RIN2: variants seen among roughly 807,000 people sequenced by gnomAD.
RIN2 encodes RAB5 interacting protein 2.
Under a neutral mutation model 78.0 loss-of-function variants are expected in RIN2, and 36 were observed. That is an observed-to-expected ratio of 0.46 (90% confidence interval 0.35 to 0.61). RIN2 has a LOEUF of 0.61. Among genes scored for constraint, RIN2 ranks in the 20% least tolerant of loss-of-function variants. The probability of loss-of-function intolerance (pLI) is 0.00; values close to 1 mark genes in which losing one functional copy is unlikely to be tolerated. For missense variants in RIN2, 1,087 were observed against 1,159.7 expected, an observed-to-expected ratio of 0.94 and a Z score of 0.91; for synonymous variants, 466 against 466.8, an observed-to-expected ratio of 1.00 and a Z score of 0.02.
chr20:19,825,589 A>G (rs1208142566), intron 2 of RIN2, among the ~76,000 whole-genome samples: 1 of 152,140 alleles, frequency 6.6e-6, no homozygotes, highest in Non-Finnish European at 1.5e-5. Context: ...ATCCCACCAT[A>G]GGTGCTCACT....
chr20:19,869,368 T>C (rs1446361606), intron 2 of RIN2, among the ~76,000 whole-genome samples: 1 of 152,278 alleles, frequency 6.6e-6, no homozygotes, highest in East Asian at 1.9e-4. Context: ...CTTCAGAGGT[T>C]ACTGACTTTT....
intron 5 of RIN2, among the ~76,000 whole-genome samples, chr20:19,960,399 G>T (rs945238705): frequency 1.3e-5 from 2 of 152,178 alleles, no homozygotes; most frequent in African/African-American, 4.8e-5. Context: ...GCTGGAGACC[G>T]TAACTCCAGC....
chr20:19,859,653 C>T (rs1007357043), intron 2 of RIN2, among the ~76,000 whole-genome samples: 1 of 152,224 alleles, frequency 6.6e-6, no homozygotes, highest in Non-Finnish European at 1.5e-5. Context: ...ACAACTCCCA[C>T]GTGACTATCT....
At position 19,935,268 on chromosome 20, in the gene RIN2, C is replaced by A. The variant is rs1377494051; in HGVS notation, c.158+69C>A. 6.4e-6 allele frequency: 9 copies of A among 1,397,152 alleles called. No homozygotes were observed. The Admixed American group carries it at 1.7e-4, about 26-fold the overall frequency. 86.5% of individuals were successfully genotyped at this position (1,397,152 alleles called of 1,614,324 possible). A position where few individuals can be genotyped will look rare whatever the true frequency, so the allele number is the denominator to read the frequency against. On this transcript the variant is annotated intron_variant, in intron 4 of 12. Transcript: ENST00000255006. Reference sequence around the variant, plus strand: ...GAGTGAACCCTGGCACTGCCAAGGGCTGACTTGCAGTCACTCCTCAGAAGT... The same window carrying A: ...GAGTGAACCCTGGCACTGCCAAGGGATGACTTGCAGTCACTCCTCAGAAGT...
At chr20:19,911,138 C>T (rs540600121) in intron 3 of RIN2, among the ~76,000 whole-genome samples, 5 of 151,968 alleles carry the variant, frequency 3.3e-5, no homozygotes, top group Admixed American at 2.6e-4. Context: ...GCAACCTCTG[C>T]GTCCCAGTTT....
chr20:19,846,049 G>A (rs575828608), intron 2 of RIN2, among the ~76,000 whole-genome samples: 37 of 152,200 alleles, frequency 2.4e-4, no homozygotes, highest in Admixed American at 7.9e-4. Flanking sequence ...GATGTGTGGC[G>A]TTACTTCTGA....
intron 3 of RIN2, among the ~76,000 whole-genome samples, chr20:19,911,368 T>C (rs1159679264): frequency 6.6e-6 from 1 of 152,190 alleles, no homozygotes; most frequent in Non-Finnish European, 1.5e-5. Context: ...TATGTCAATA[T>C]TTTACATAAA....
intron 4 of RIN2, among the ~76,000 whole-genome samples, chr20:19,948,609 G>A (rs1430122097): frequency 1.3e-5 from 2 of 151,894 alleles, no homozygotes; most frequent in Non-Finnish European, 2.9e-5. Context: ...TGGCCAGGCT[G>A]GTGGAAAAAT....
Position 19,968,128 on chromosome 20 carries a change from A to T in RIN2, c.537-2710A>T, listed in dbSNP as rs187996985. Among the ~76,000 whole-genome samples the T allele has an allele frequency of 1.5e-3, 227 of 152,114 alleles. 1 individual carries two copies. Among genetic ancestry groups the T allele is most frequent in the African/African-American group, 5.2e-3 (214 of 41,486 alleles). ...TTAGCTCTGCGAAGGTGTGCTAGGG[A>T]CCTCACTTGTCTGTGTCGTCATCTG... On this transcript the variant is annotated intron_variant, in intron 7 of 12. Transcript: ENST00000255006.
At chr20:19,882,782 T>C (rs529856159) in intron 2 of RIN2, among the ~76,000 whole-genome samples, 5 of 152,298 alleles carry the variant, frequency 3.3e-5, no homozygotes, top group African/African-American at 1.2e-4. Flanking sequence ...AGTCCATGTA[T>C]ACACGGGTTT....
rs577022925 is a variant in RIN2, at chr20:19,863,970, G to A, written c.-36-25596G>A. On this transcript the variant is annotated intron_variant, in intron 2 of 12. Transcript: ENST00000255006. ...TTTACAACACGCATTCTCAACAGGGGCTAGATTGCCCCCAAGAAGGCAAGA... is the reference window on the plus strand; with the variant it reads ...TTTACAACACGCATTCTCAACAGGGACTAGATTGCCCCCAAGAAGGCAAGA... Among the ~76,000 whole-genome samples, 74 of 150,926 alleles carry A rather than the reference G, an allele frequency of 4.9e-4. 1 individual carries two copies. Among genetic ancestry groups the A allele is most frequent in the African/African-American group, 1.7e-3 (70 of 41,082 alleles).
In RIN2 at chr20:19,935,421, A is replaced by C. The variant is rs2040599029; in HGVS notation, c.158+222A>C. The C allele has an allele frequency of 1.1e-5, 14 of 1,283,138 alleles. No individual in the cohort carries two copies. The South Asian group carries it at 2.8e-4, about 26-fold the overall frequency. 79.5% of individuals were successfully genotyped at this position (1,283,138 alleles called of 1,614,324 possible). A position where few individuals can be genotyped will look rare whatever the true frequency, so the allele number is the denominator to read the frequency against. ...AGGCACTTGAACTTTATACTCTCTCAATTCCTCCTGGCACCAGAACCCGGA... is the reference window on the plus strand; with the variant it reads ...AGGCACTTGAACTTTATACTCTCTCCATTCCTCCTGGCACCAGAACCCGGA... On this transcript the variant is annotated intron_variant, in intron 4 of 12. Transcript: ENST00000255006.
chr20:19,847,704 T>A (rs1474282450), intron 2 of RIN2, among the ~76,000 whole-genome samples: 1 of 152,224 alleles, frequency 6.6e-6, no homozygotes, highest in African/African-American at 2.4e-5. Context: ...TGGTTACATA[T>A]TTAAGTGGCA....
rs1363512016 is a variant in RIN2 at position 19,853,197 on chromosome 20, A to G, written c.-36-36369A>G. Among the ~76,000 whole-genome samples, 39 of 152,042 alleles carry G rather than the reference A, an allele frequency of 2.6e-4. 1 individual carries two copies. In the East Asian group the frequency reaches 6.2e-3, roughly 24 times the overall value. On this transcript the variant is annotated intron_variant, in intron 2 of 12. Coordinates refer to ENST00000255006, the MANE Select transcript of RIN2 (RefSeq NM_018993.4). ...GGTTTCCAGCTTCATCCATGTCCCT[A>G]CAAAGGACATGAACTCATCCTTTTT... is the stretch of plus-strand genomic sequence containing the variant.
chr20:19,992,646 C>T (rs939217493), intron 11 of RIN2, among the ~76,000 whole-genome samples: 4 of 151,860 alleles, frequency 2.6e-5, no homozygotes, highest in African/African-American at 9.7e-5. Flanking sequence ...AGGAAAAACA[C>T]AAAGAAAAAA....
intron 3 of RIN2, among the ~76,000 whole-genome samples, chr20:19,912,260 A>G (rs768401857): frequency 2.0e-5 from 3 of 152,114 alleles, no homozygotes; most frequent in Non-Finnish European, 4.4e-5. Flanking sequence ...AGCATTGCTT[A>G]AAGACACAAA....
chr20:19,789,612 C>T (rs1050691273), intron 1 of RIN2, among the ~76,000 whole-genome samples: 4 of 152,200 alleles, frequency 2.6e-5, no homozygotes, highest in African/African-American at 7.2e-5. Context: ...TAGCTGCCTG[C>T]TCCCTGTAGG....
At chr20:19,962,002 T>C (rs1243549127) in intron 6 of RIN2, among the ~76,000 whole-genome samples, 2 of 152,092 alleles carry the variant, frequency 1.3e-5, no homozygotes, top group East Asian at 3.9e-4. Flanking sequence ...TGAATTGGCT[T>C]TTGAAAGTCT....
At chr20:19,943,975 CTTTTTTTTTTTTTTTT>C (rs58524523) in intron 4 of RIN2, among the ~76,000 whole-genome samples, 2 of 95,880 alleles carry the variant, frequency 2.1e-5, no homozygotes, top group Non-Finnish European at 3.9e-5. Flanking sequence ...TTTCAATATC[CTTTTTTTTTTTTTTTT>C]TTTTTTTTTT....
Sources: gnomAD v4.1 joint callset for allele counts (sites outside exome capture counted in the v4.1 genomes callset) on GRCh38, gnomAD v4.1.1 for gene constraint, MANE v1.5 for transcripts, NCBI Gene and HGNC (gene_info 2026-07-23, HGNC 2026-07-21) for gene names.